ZBTB20: variants seen among roughly 807,000 people sequenced by gnomAD.
The protein encoded by ZBTB20 is zinc finger and BTB domain-containing protein 20.
Under a neutral mutation model 56.9 loss-of-function variants are expected in ZBTB20, and 9 were observed. The ratio of observed to expected loss-of-function variants is 0.16; its 90% confidence interval spans 0.10 to 0.28. The LOEUF (loss-of-function observed/expected upper bound fraction) is 0.28, where lower values mean the gene tolerates loss of function less well. ZBTB20 is among the 10% of genes least tolerant of loss of function. ZBTB20 has a pLI of 1.00. For synonymous variants in ZBTB20, 417 were observed against 420.7 expected (o/e 0.99, Z 0.11); for missense variants, 655 against 1,003.0 (o/e 0.65, Z 4.69).
intron 7 of ZBTB20, among the ~76,000 whole-genome samples, chr3:114,495,841 T>A (rs1038627669): frequency 6.6e-6 from 1 of 152,214 alleles, no homozygotes; most frequent in African/African-American, 2.4e-5. Flanking sequence ...AAAGTACAGG[T>A]GGGGACATTA....
At chr3:114,740,964 T>C (rs1405841720) in intron 5 of ZBTB20, among the ~76,000 whole-genome samples, 1 of 152,128 alleles carries the variant, frequency 6.6e-6, no homozygotes, top group African/African-American at 2.4e-5. Flanking sequence ...TAGATAAACA[T>C]GGAGATAAAA....
At chr3:115,016,763 A>AT (rs1431797886) in intron 2 of ZBTB20, among the ~76,000 whole-genome samples, 1 of 151,366 alleles carries the variant, frequency 6.6e-6, no homozygotes, top group East Asian at 2.0e-4. Flanking sequence ...CAGCTTTGTT[A>AT]TTTTTGCTTA....
At chr3:114,364,303 T>C (rs1259203413) in intron 10 of ZBTB20, among the ~76,000 whole-genome samples, 1 of 152,036 alleles carries the variant, frequency 6.6e-6, no homozygotes, top group Admixed American at 6.6e-5. Flanking sequence ...AATACAAAAT[T>C]AGCTGGGCAT....
intron 5 of ZBTB20, among the ~76,000 whole-genome samples, chr3:114,787,377 A>ACACACACACACAC (rs1553821573): frequency 0.013 from 1,800 of 141,232 alleles, 45 homozygotes; most frequent in African/African-American, 0.022. Context: ...ATACACACAC[A>ACACACACACACAC]CACACACACA....
chr3:114,658,490 C>A (rs1171692276), intron 6 of ZBTB20: 1 of 152,192 alleles, frequency 6.6e-6, no homozygotes, highest in Non-Finnish European at 1.5e-5. Context: ...TTCCCTCTAA[C>A]TACCTGCTCA....
At chr3:114,618,845 C>G (rs2058115984) in intron 6 of ZBTB20, among the ~76,000 whole-genome samples, 1 of 152,210 alleles carries the variant, frequency 6.6e-6, no homozygotes, top group Admixed American at 6.5e-5. Flanking sequence ...TGATGTACCT[C>G]TGACATTTGT....
At chr3:114,554,299 T>A (rs1457152647) in intron 6 of ZBTB20, among the ~76,000 whole-genome samples, 1 of 152,136 alleles carries the variant, frequency 6.6e-6, no homozygotes, top group Non-Finnish European at 1.5e-5. Context: ...GTCCTTTTCT[T>A]TGTAAGGAGA....
intron 5 of ZBTB20, among the ~76,000 whole-genome samples, chr3:114,787,197 C>T (rs1414758786): frequency 4.0e-5 from 6 of 151,284 alleles, no homozygotes; most frequent in South Asian, 2.1e-4. Flanking sequence ...AGGCTGGTTT[C>T]GAATTCCTGG....
At chr3:114,987,051 T>C (rs1033842881) in intron 2 of ZBTB20, among the ~76,000 whole-genome samples, 2 of 152,138 alleles carry the variant, frequency 1.3e-5, no homozygotes, top group African/African-American at 4.8e-5. Flanking sequence ...GCTAAAACTA[T>C]AAAATCTAAA....
At chr3:114,744,108 A>C (rs1478599951) in intron 5 of ZBTB20, among the ~76,000 whole-genome samples, 3 of 152,196 alleles carry the variant, frequency 2.0e-5, no homozygotes, top group Non-Finnish European at 4.4e-5. Flanking sequence ...ACCTTTTAAT[A>C]AACATGTTTC....
intron 2 of ZBTB20, among the ~76,000 whole-genome samples, chr3:114,995,582 G>GT (rs1219978043): frequency 1.3e-5 from 2 of 151,688 alleles, no homozygotes; most frequent in Non-Finnish European, 2.9e-5. Flanking sequence ...CTTTTATTTA[G>GT]TAACTTTGAA....
chr3:115,074,954 C>T (rs976046650), intron 1 of ZBTB20, among the ~76,000 whole-genome samples: 2 of 152,068 alleles, frequency 1.3e-5, no homozygotes, highest in African/African-American at 2.4e-5. Context: ...TGAATCTCCC[C>T]GATCCCAACT....
At chr3:114,507,350 C>T (rs2044754739) in intron 6 of ZBTB20, among the ~76,000 whole-genome samples, 1 of 152,026 alleles carries the variant, frequency 6.6e-6, no homozygotes, top group Non-Finnish European at 1.5e-5. Flanking sequence ...AAAATAGTCC[C>T]CTTTGCCACT....
chr3:115,125,950 GGAGAA>G (rs1254694807), intron 1 of ZBTB20, among the ~76,000 whole-genome samples: 1 of 151,754 alleles, frequency 6.6e-6, no homozygotes, highest in Non-Finnish European at 1.5e-5. Context: ...AAGCTACAAG[GGAGAA>G]GAGATAGAAT....
intron 2 of ZBTB20, among the ~76,000 whole-genome samples, chr3:114,997,639 G>A (rs2079080712): frequency 6.6e-6 from 1 of 151,680 alleles, no homozygotes; most frequent in Non-Finnish European, 1.5e-5. Context: ...GACAAAGCAT[G>A]AAGACATAGA....
intron 7 of ZBTB20, among the ~76,000 whole-genome samples, chr3:114,439,193 A>T (rs1255376475): frequency 2.0e-5 from 3 of 152,068 alleles, no homozygotes; most frequent in African/African-American, 7.2e-5. Context: ...TTTAAAAACA[A>T]CAACAAAACA....
chr3:114,556,961 GA>G (rs902058742), intron 6 of ZBTB20, among the ~76,000 whole-genome samples: 17 of 152,036 alleles, frequency 1.1e-4, no homozygotes, highest in Non-Finnish European at 2.5e-4. Flanking sequence ...GTGTCAGCCA[GA>G]AATGTCAATC....
chr3:114,433,822 C>A (rs573053145), intron 7 of ZBTB20, among the ~76,000 whole-genome samples: 1 of 152,232 alleles, frequency 6.6e-6, no homozygotes, highest in Admixed American at 6.5e-5. Flanking sequence ...GGCTATAGAA[C>A]CACCCCTCCA....
At chr3:114,792,899 G>A (rs1298116669) in intron 5 of ZBTB20, among the ~76,000 whole-genome samples, 4 of 136,614 alleles carry the variant, frequency 2.9e-5, no homozygotes, top group African/African-American at 1.1e-4. Context: ...TTTTTGAGAT[G>A]GAGTCTTGCT....
Sources: allele counts gnomAD v4.1 joint callset (sites outside exome capture counted in the v4.1 genomes callset), GRCh38; gene constraint gnomAD v4.1.1; transcripts MANE v1.5; gene names NCBI Gene and HGNC (gene_info 2026-07-23, HGNC 2026-07-21).